The following GRB2 variants were observed in gnomAD, a reference collection of about 807,000 sequenced individuals.
GRB2 encodes the protein growth factor receptor bound protein 2, also known as growth factor receptor-bound protein 2.
Under a neutral mutation model 27.4 loss-of-function variants are expected in GRB2, and 2 were observed. The ratio of observed to expected loss-of-function variants is 0.07; its 90% CI spans 0.03 to 0.23. The LOEUF (loss-of-function observed/expected upper bound fraction) is 0.23. Ranked by LOEUF, GRB2 falls within the 10% of genes least tolerant of loss-of-function variation. GRB2 has a pLI of 1.00. For synonymous variants in GRB2, 94 were observed against 99.6 expected (o/e 0.94, Z 0.33); for missense variants, 102 against 282.4 (o/e 0.36, Z 4.58).
At chr17:75,377,493 A>G (rs1341264410) in intron 2 of GRB2, among the ~76,000 whole-genome samples, 4 of 149,246 alleles carry the variant, frequency 2.7e-5, no homozygotes, top group African/African-American at 9.9e-5. Flanking sequence ...GGTGGTGCTC[A>G]CCTGCTGTCC....
At position 75,320,272 on chromosome 17, in the gene GRB2, T is replaced by C. The variant is rs1474633683; in HGVS notation, c.*96A>G. The C allele has an allele frequency of 3.7e-6, 4 of 1,075,816 alleles. No individual in the cohort carries two copies. In the East Asian group the frequency reaches 7.1e-5, roughly 19 times the overall value. The allele number at this position is 1,075,816 out of a possible 1,614,324, so 66.6% of individuals were successfully genotyped here. A position where few individuals can be genotyped will look rare whatever the true frequency, so the allele number is the denominator to read the frequency against. On this transcript the variant is annotated 3_prime_UTR_variant, in exon 6 of 6. Transcript: ENST00000316804. The surrounding 1 kb of genome is among the most constrained non-coding windows in gnomAD (Gnocchi z 4.3). ...GGTGACCCGGCCAGGTGTTCTGCAC[T>C]CCCTCACAGGCTGCTGTCAGAGGCA...
rs556469416 is a variant in GRB2, at chr17:75,320,217, A to C, written c.*151T>G. The C allele has an allele frequency of 2.3e-5, 14 of 615,696 alleles. 1 individual carries two copies. The South Asian group carries it at 3.6e-4, about 16-fold the overall frequency. The allele number at this position is 615,696 out of a possible 1,614,324, so 38.1% of individuals were successfully genotyped here. A position where few individuals can be genotyped will look rare whatever the true frequency, so the allele number is the denominator to read the frequency against. On this transcript the variant is annotated 3_prime_UTR_variant, in exon 6 of 6. Transcript: ENST00000316804. The surrounding 1 kb of genome is among the most constrained non-coding windows in gnomAD (Gnocchi z 4.3). ...AATCCAACGCCCCCTCCCACCCCCT[A>C]AAGTTCCAACCAAAGTGAGAGGGTC...
chr17:75,320,992 G>A lies in GRB2; in HGVS notation c.469-439C>T, dbSNP rs561396017. Among the ~76,000 whole-genome samples, 5 of 152,098 alleles carry A rather than the reference G, an allele frequency of 3.3e-5. No homozygotes were observed. The highest frequency in any genetic ancestry group is 4.2e-4 in the South Asian group (2 of 4,812). ...TAACCGTAACTTACGACCAGGGCTC[G>A]AGGGACAGGAACGGGTGCCGACCCC... On this transcript the variant is annotated intron_variant, in intron 5 of 5. Transcript: ENST00000316804. This position sits in a 1 kb window ranked among gnomAD's most constrained non-coding sequence, Gnocchi z 4.3.
At chr17:75,370,013 A>T (rs558918002) in intron 2 of GRB2, among the ~76,000 whole-genome samples, 1 of 152,374 alleles carries the variant, frequency 6.6e-6, no homozygotes, top group Non-Finnish European at 1.5e-5. Context: ...GGACCATCAC[A>T]GTACTAAGAG....
chr17:75,335,204 T>C (rs953105466), intron 2 of GRB2, among the ~76,000 whole-genome samples: 3 of 152,118 alleles, frequency 2.0e-5, no homozygotes, highest in Non-Finnish European at 4.4e-5. Flanking sequence ...AAAGCCACCC[T>C]ATGAATTCTA....
chr17:75,335,928 A>C (rs1217921217), intron 2 of GRB2, among the ~76,000 whole-genome samples: 2 of 152,224 alleles, frequency 1.3e-5, no homozygotes, highest in African/African-American at 4.8e-5. Flanking sequence ...TGCAGCCAGC[A>C]ATGGTGCTGT....
intron 2 of GRB2, chr17:75,371,768 G>A (rs2078858145): frequency 6.6e-6 from 1 of 151,318 alleles, no homozygotes; most frequent in Non-Finnish European, 1.5e-5. Flanking sequence ...CAGTGGTCAG[G>A]GAAAACAAGC....
At chr17:75,394,390 G>A (rs748829053) in intron 1 of GRB2, 18 of 152,150 alleles carry the variant, frequency 1.2e-4, no homozygotes, top group Non-Finnish European at 2.4e-4. Flanking sequence ...AAGCACCGGC[G>A]GCTTTCCCCC....
intron 2 of GRB2, among the ~76,000 whole-genome samples, chr17:75,351,484 A>G (rs1486175778): frequency 6.6e-6 from 1 of 152,156 alleles, no homozygotes; most frequent in Non-Finnish European, 1.5e-5. Context: ...ACCTGTCTCT[A>G]CAAAAAATAG....
At chr17:75,368,361 G>GCC (rs35442595) in intron 2 of GRB2, among the ~76,000 whole-genome samples, 1 of 150,956 alleles carries the variant, frequency 6.6e-6, no homozygotes, top group Non-Finnish European at 1.5e-5. Flanking sequence ...GATTACAGGC[G>GCC]CCCCCCACCG....
chr17:75,389,100 T>C (rs2078982745), intron 2 of GRB2, among the ~76,000 whole-genome samples: 1 of 152,122 alleles, frequency 6.6e-6, no homozygotes, highest in African/African-American at 2.4e-5. Context: ...ACACACACAA[T>C]GCTCTTCATC....
chr17:75,329,067 A>G (rs956428243), intron 3 of GRB2, among the ~76,000 whole-genome samples: 3 of 152,156 alleles, frequency 2.0e-5, no homozygotes, highest in Admixed American at 6.5e-5. Context: ...GGTTTCTAAT[A>G]TAAGTGTATG....
At chr17:75,404,186 A>G (rs1048875469) in intron 1 of GRB2, among the ~76,000 whole-genome samples, 3 of 152,224 alleles carry the variant, frequency 2.0e-5, no homozygotes, top group Admixed American at 2.0e-4. Flanking sequence ...AAGCAGGCAC[A>G]GAAGCATAAT....
chr17:75,336,482 C>G (rs2078577687), intron 2 of GRB2, among the ~76,000 whole-genome samples: 1 of 152,076 alleles, frequency 6.6e-6, no homozygotes, highest in Admixed American at 6.6e-5. Context: ...AATAACTTTG[C>G]AGAAAAAGAT....
intron 5 of GRB2, 53 bp downstream of exon 5, chr17:75,321,606 T>C (rs2078460527): frequency 6.5e-7 from 1 of 1,548,866 alleles, no homozygotes; most frequent in African/African-American, 1.4e-5. Context: ...GAATGCACAC[T>C]GAGGAGCTAT....
chr17:75,404,112 A>G (rs919111723), intron 1 of GRB2, among the ~76,000 whole-genome samples: 1 of 146,404 alleles, frequency 6.8e-6, no homozygotes, highest in African/African-American at 2.5e-5. Context: ...AACTCTGCCT[A>G]AAAAAAAAAA....
rs545347123 is a variant in GRB2 at position 75,369,927 on chromosome 17, T to C, written c.78+23624A>G. 1.1e-4 allele frequency among the ~76,000 whole-genome samples: 16 copies of C among 152,158 alleles called. No individual in the cohort carries two copies. The South Asian group carries it at 3.3e-3, about 32-fold the overall frequency. ...TTACTGACTCTGATGCAAATGTACC[T>C]ACCACTACCAGAAAAACAACTCAAA... On this transcript the variant is annotated intron_variant, in intron 2 of 5. Transcript: ENST00000316804.
chr17:75,378,405 C>A (rs1024549980), intron 2 of GRB2, among the ~76,000 whole-genome samples: 1 of 142,552 alleles, frequency 7.0e-6, no homozygotes, highest in Non-Finnish European at 1.5e-5. Flanking sequence ...CAAACAAACA[C>A]CCAAACCCAA....
intron 2 of GRB2, among the ~76,000 whole-genome samples, chr17:75,374,385 C>CA (rs1567870964): frequency 1.9e-5 from 2 of 106,168 alleles, no homozygotes; most frequent in Non-Finnish European, 3.5e-5. Flanking sequence ...GCCTGGGAGA[C>CA]AGAGTAAGAC....
Sources: gnomAD v4.1 joint callset for allele counts (sites outside exome capture counted in the v4.1 genomes callset) on GRCh38, gnomAD v4.1.1 for gene constraint, Gnocchi (gnomAD v3.1) non-coding constraint, MANE v1.5 for transcripts, NCBI Gene and HGNC (gene_info 2026-07-23, HGNC 2026-07-21) for gene names.